The following GMDS variants were observed in gnomAD, a reference collection of about 807,000 sequenced individuals.
GMDS encodes GDP-mannose 4,6-dehydratase.
GMDS carries 20 observed loss-of-function variants against 49.9 expected under a neutral mutation model. The ratio of observed to expected loss-of-function variants is 0.40; its 90% CI spans 0.28 to 0.58. The LOEUF (loss-of-function observed/expected upper bound fraction) is 0.58, where lower values mean the gene tolerates loss of function less well. Among genes scored for constraint, GMDS ranks in the 20% least tolerant of loss-of-function variants. The pLI is 0.42. For missense variants in GMDS, 362 were observed against 481.4 expected (o/e 0.75, Z 2.32); for synonymous variants, 177 against 178.6 (o/e 0.99, Z 0.07).
chr6:2,051,625 T>G (rs1770400736), intron 4 of GMDS, among the ~76,000 whole-genome samples: 1 of 152,186 alleles, frequency 6.6e-6, no homozygotes, highest in Non-Finnish European at 1.5e-5. Flanking sequence ...CTCTAACTAT[T>G]CTCACTAAGT....
intron 7 of GMDS, among the ~76,000 whole-genome samples, chr6:1,826,673 G>C (rs909750780): frequency 6.6e-6 from 1 of 152,156 alleles, no homozygotes; most frequent in Non-Finnish European, 1.5e-5. Flanking sequence ...AGAATGTCCT[G>C]AGGCCCTATA....
intron 4 of GMDS, among the ~76,000 whole-genome samples, chr6:2,024,911 C>T (rs1453813357): frequency 1.3e-5 from 2 of 151,870 alleles, no homozygotes; most frequent in Non-Finnish European, 2.9e-5. Context: ...AAATCTCAGG[C>T]AACTAGTCAC....
chr6:1,689,604 G>C (rs1457500831), intron 9 of GMDS, among the ~76,000 whole-genome samples: 3 of 152,172 alleles, frequency 2.0e-5, no homozygotes, highest in Non-Finnish European at 4.4e-5. Flanking sequence ...TGAAAATTCA[G>C]GGTTGAGCCC....
intron 4 of GMDS, among the ~76,000 whole-genome samples, chr6:2,100,827 C>T (rs777000352): frequency 2.6e-5 from 4 of 151,932 alleles, no homozygotes; most frequent in African/African-American, 7.2e-5. Context: ...AGTGAAGGCA[C>T]GCATTAAATC....
intron 7 of GMDS, among the ~76,000 whole-genome samples, chr6:1,897,899 A>C (rs899756092): frequency 9.9e-5 from 15 of 152,026 alleles, no homozygotes; most frequent in Non-Finnish European, 1.5e-4. Flanking sequence ...AATGAGTCCC[A>C]CAGGCTGGAT....
At chr6:1,827,642 A>AT (rs1013097384) in intron 7 of GMDS, among the ~76,000 whole-genome samples, 1 of 151,962 alleles carries the variant, frequency 6.6e-6, no homozygotes, top group East Asian at 1.9e-4. Context: ...AATTGCACAT[A>AT]TTTTTTTTGG....
chr6:2,036,103 C>G (rs1445820954), intron 4 of GMDS, among the ~76,000 whole-genome samples: 1 of 152,154 alleles, frequency 6.6e-6, no homozygotes, highest in East Asian at 1.9e-4. Context: ...ACAGTGTTCT[C>G]CTTTCACCTA....
At chr6:2,131,236 A>T (rs1459196353) in intron 1 of GMDS, among the ~76,000 whole-genome samples, 3 of 152,212 alleles carry the variant, frequency 2.0e-5, no homozygotes, top group Non-Finnish European at 4.4e-5. Context: ...TACTTTCAAC[A>T]TACTAAAATA....
rs1182452907 is a variant in GMDS, at chr6:1,833,358, T to C, written c.772-90772A>G. ...ATATGGAAAGCTCATCTCGGAGGTG[T>C]CAGGATAAAACATGAGAACAGCATC... On this transcript the variant is annotated intron_variant, in intron 7 of 10. Coordinates refer to ENST00000380815, the MANE Select transcript of GMDS (RefSeq NM_001500.4). This position sits in a 1 kb window ranked among gnomAD's most constrained non-coding sequence, Gnocchi z 4.4. 6.6e-6 allele frequency among the ~76,000 whole-genome samples: 1 copy of C among 151,428 alleles called. No homozygotes were observed. Among genetic ancestry groups the C allele is most frequent in the Admixed American group, 6.6e-5 (1 of 15,196 alleles).
chr6:2,190,334 C>T (rs888121281), intron 1 of GMDS, among the ~76,000 whole-genome samples: 1 of 152,164 alleles, frequency 6.6e-6, no homozygotes, highest in African/African-American at 2.4e-5. Context: ...TAAAAGGAAA[C>T]CTTTTATGCA....
rs1762042848 is a variant in GMDS, at chr6:1,927,045, G to T, written c.771+3058C>A. Among the ~76,000 whole-genome samples, 5 of 102,728 alleles carry T rather than the reference G, an allele frequency of 4.9e-5. No individual in the cohort carries two copies. In the Admixed American group the frequency reaches 5.1e-4, roughly 10 times the overall value. 67.4% of individuals were successfully genotyped at this position (102,728 alleles called of 152,430 possible). A position where few individuals can be genotyped will look rare whatever the true frequency, so the allele number is the denominator to read the frequency against. ...TTGATGTATTTTTATTCAGAGGGTA[G>T]CGTGTTGATGTATTTTTATTCAGAG... On this transcript the variant is annotated intron_variant, in intron 7 of 10. Coordinates refer to ENST00000380815, the MANE Select transcript of GMDS (RefSeq NM_001500.4).
At chr6:1,995,532 C>T (rs545340936) in intron 4 of GMDS, among the ~76,000 whole-genome samples, 4 of 152,260 alleles carry the variant, frequency 2.6e-5, no homozygotes, top group South Asian at 2.1e-4. Flanking sequence ...CAACTCCATC[C>T]GCACTAACAT....
intron 7 of GMDS, among the ~76,000 whole-genome samples, chr6:1,913,620 T>C (rs1761196899): frequency 1.3e-5 from 2 of 152,202 alleles, no homozygotes; most frequent in African/African-American, 4.8e-5. Flanking sequence ...TATGCACTTT[T>C]TCACCTTGGA....
intron 2 of GMDS, among the ~76,000 whole-genome samples, chr6:2,122,905 C>T (rs764523487): frequency 1.4e-4 from 22 of 152,190 alleles, no homozygotes; most frequent in Admixed American, 2.6e-4. Context: ...ATGATAAATT[C>T]CTCCCATTAA....
intron 1 of GMDS, among the ~76,000 whole-genome samples, chr6:2,216,596 G>T (rs781622122): frequency 3.9e-5 from 6 of 152,198 alleles, no homozygotes; most frequent in Non-Finnish European, 7.3e-5. Context: ...GTGGCAGCAC[G>T]CACCTGCAGT....
At chr6:1,941,667 A>G (rs935903850) in intron 6 of GMDS, among the ~76,000 whole-genome samples, 1 of 152,182 alleles carries the variant, frequency 6.6e-6, no homozygotes. Flanking sequence ...ACTGCACTTC[A>G]AGATGGGCAT....
chr6:2,067,269 G>A (rs1326790370), intron 4 of GMDS, among the ~76,000 whole-genome samples: 10 of 152,104 alleles, frequency 6.6e-5, no homozygotes, highest in Non-Finnish European at 1.5e-4. Flanking sequence ...AAAGCAGTAT[G>A]TAGAGGGAAA....
intron 4 of GMDS, among the ~76,000 whole-genome samples, chr6:2,094,412 T>C (rs1303332683): frequency 6.6e-6 from 1 of 152,178 alleles, no homozygotes; most frequent in African/African-American, 2.4e-5. Flanking sequence ...AGACCAAATA[T>C]CTGAGGAAAA....
At chr6:2,024,337 C>T (rs1768454917) in intron 4 of GMDS, among the ~76,000 whole-genome samples, 1 of 152,094 alleles carries the variant, frequency 6.6e-6, no homozygotes, top group African/African-American at 2.4e-5. Context: ...ACTCACAATG[C>T]AGCAGCAAGA....
Sources: allele counts gnomAD v4.1 joint callset (sites outside exome capture counted in the v4.1 genomes callset), GRCh38; gene constraint gnomAD v4.1.1; non-coding constraint Gnocchi (gnomAD v3.1); transcripts MANE v1.5; gene names NCBI Gene and HGNC (gene_info 2026-07-23, HGNC 2026-07-21).